Variants in DIAPH1 observed in about 807,000 individuals in gnomAD.
DIAPH1 encodes the protein protein diaphanous homolog 1.
Under a neutral mutation model 140.7 loss-of-function variants are expected in DIAPH1, and 46 were observed. The observed-to-expected ratio is 0.33, with a 90% CI of 0.26 to 0.42. The LOEUF (loss-of-function observed/expected upper bound fraction) is 0.42, where lower values mean the gene tolerates loss of function less well. DIAPH1 is among the 10% of genes least tolerant of loss of function. The pLI, the probability that DIAPH1 is intolerant of heterozygous loss-of-function variation, is 1.00. For synonymous variants in DIAPH1, 565 were observed against 551.6 expected (o/e 1.02, Z -0.34); for missense variants, 1,310 against 1,558.7 (o/e 0.84, Z 2.69).
chr5:141,590,540 T>G (rs965298264), intron 1 of DIAPH1, among the ~76,000 whole-genome samples: 1 of 152,152 alleles, frequency 6.6e-6, no homozygotes, highest in Non-Finnish European at 1.5e-5. Context: ...GATGAGTGCA[T>G]ACAATTTGGG....
intron 1 of DIAPH1, among the ~76,000 whole-genome samples, chr5:141,617,624 A>G (rs1371754438): frequency 2.0e-5 from 3 of 152,212 alleles, no homozygotes; most frequent in Non-Finnish European, 4.4e-5. Context: ...GTAAGGGCAT[A>G]AATACCTGGA....
chr5:141,577,759 C>A (rs1219408319), intron 11 of DIAPH1, among the ~76,000 whole-genome samples, 168 bp from the exon 12 acceptor site: 1 of 152,200 alleles, frequency 6.6e-6, no homozygotes, highest in Non-Finnish European at 1.5e-5. Flanking sequence ...TCTAAAACGT[C>A]CTTTAAGGGA....
chr5:141,544,107 G>C (rs918455359), intron 18 of DIAPH1, among the ~76,000 whole-genome samples: 1 of 151,924 alleles, frequency 6.6e-6, no homozygotes, highest in South Asian at 2.1e-4. Context: ...TCAGGAGATC[G>C]AGACCATCCT....
intron 18 of DIAPH1, among the ~76,000 whole-genome samples, chr5:141,545,690 C>A (rs2099890687): frequency 6.6e-6 from 1 of 152,100 alleles, no homozygotes; most frequent in Non-Finnish European, 1.5e-5. Flanking sequence ...GAGAGAAGAA[C>A]ACATTAAGCA....
At chr5:141,522,837 G>T (rs931176894) in intron 27 of DIAPH1, among the ~76,000 whole-genome samples, 2 of 152,154 alleles carry the variant, frequency 1.3e-5, no homozygotes, top group Non-Finnish European at 2.9e-5. Context: ...CCTGTACTCA[G>T]AGAATGCCAG....
At position 141,618,816 on chromosome 5, in the gene DIAPH1, G is replaced by A. The variant is rs773440011; in HGVS notation, c.99C>T (p.Gly33=). The A allele has an allele frequency of 1.6e-5, 24 of 1,546,140 alleles. No homozygotes were observed. Among genetic ancestry groups the A allele is most frequent in the Non-Finnish European group, 2.1e-5 (24 of 1,145,532 alleles). ...PDELPSAGGD[G]GKSKKFTLKR... ...CACTCACAAATTTCTTAGATTTGCC[G>A]CCGTCGCCGCCCGCCGAGGGCAGCT... is the stretch of plus-strand genomic sequence containing the variant. Residue 33 remains glycine, a synonymous_variant, in exon 1 of 28, where the codon GGC becomes GGT. Coordinates refer to ENST00000389054, the MANE Select transcript of DIAPH1 (RefSeq NM_005219.5).
chr5:141,540,877 A>T (rs182965141), intron 18 of DIAPH1, among the ~76,000 whole-genome samples: 1,727 of 151,684 alleles, frequency 0.011, 26 homozygotes, highest in African/African-American at 0.028. Context: ...CTGGGCAACA[A>T]GGTGAAACCC....
chr5:141,618,594 G>A, intron 1 of DIAPH1: 1 of 479,440 alleles, frequency 2.1e-6, no homozygotes, highest in Non-Finnish European at 3.9e-6. Context: ...GAGGTGGCCG[G>A]GGCAAGAGCC....
chr5:141,591,854 C>T (rs1420696518), intron 1 of DIAPH1, among the ~76,000 whole-genome samples: 2 of 149,702 alleles, frequency 1.3e-5, no homozygotes, highest in South Asian at 4.2e-4. Flanking sequence ...GAGGCCGAGT[C>T]GGGTGGATCA....
chr5:141,608,824 A>G (rs1351644853), intron 1 of DIAPH1, among the ~76,000 whole-genome samples: 1 of 152,234 alleles, frequency 6.6e-6, no homozygotes, highest in Admixed American at 6.5e-5. Context: ...CAGGAGCACA[A>G]ACAGAGGTCT....
chr5:141,551,884 T>G (rs1342151153), intron 18 of DIAPH1, among the ~76,000 whole-genome samples: 2 of 152,196 alleles, frequency 1.3e-5, no homozygotes, highest in Non-Finnish European at 2.9e-5. Context: ...TTTATAATAT[T>G]TGGCAATATT....
intron 1 of DIAPH1, among the ~76,000 whole-genome samples, chr5:141,601,226 TAAATAA>T (rs2099900099): frequency 7.7e-6 from 1 of 130,554 alleles, no homozygotes; most frequent in African/African-American, 2.9e-5. Flanking sequence ...TAAAGTATAA[TAAATAA>T]AAATAAAAAA....
In DIAPH1 at chr5:141,529,177, C is replaced by T. The variant is rs773243948; in HGVS notation, c.2773G>A (p.Val925Met). The T allele has an allele frequency of 1.1e-5, 17 of 1,613,986 alleles. No homozygotes were observed. Among genetic ancestry groups the T allele is most frequent in the South Asian group, 8.8e-5 (8 of 91,080 alleles). ...DDLAESEQFG[V>M]VMGTVPRLRP... Reference sequence around the variant, plus strand: ...CTGCCACAGGCCTCACTCACCACCACGCCAAACTGCTCTGACTCAGCCAGG... The same window carrying T: ...CTGCCACAGGCCTCACTCACCACCATGCCAAACTGCTCTGACTCAGCCAGG... The change falls in exon 21 of 28, where the codon GTG (valine) becomes ATG (methionine). Residue 925 changes from valine (V) to methionine (M), a missense_variant. Val to Met is a conservative substitution (Grantham distance 21). Around this residue, in one of 3 missense-constraint regions of DIAPH1, gnomAD observed 344 missense variants for 512.2 expected, o/e 0.67. Coordinates refer to ENST00000389054, the MANE Select transcript of DIAPH1 (RefSeq NM_005219.5).
At chr5:141,576,361 C>T (rs2099895966) in intron 13 of DIAPH1, 67 bp from the exon 14 acceptor site, 2 of 1,189,758 alleles carry the variant, frequency 1.7e-6, no homozygotes, top group African/African-American at 1.5e-5. Flanking sequence ...CACACTACAC[C>T]CTTCCAAAGA....
chr5:141,557,443 C>T (rs759173343), intron 18 of DIAPH1, among the ~76,000 whole-genome samples: 4 of 152,002 alleles, frequency 2.6e-5, no homozygotes, highest in Admixed American at 6.6e-5. Flanking sequence ...TGTATGTGTG[C>T]GTGCATTTTT....
chr5:141,597,474 C>A (rs914621562), intron 1 of DIAPH1, among the ~76,000 whole-genome samples: 4 of 152,226 alleles, frequency 2.6e-5, no homozygotes, highest in Non-Finnish European at 5.9e-5. Flanking sequence ...TTTAAAAAAT[C>A]TGTTCCCATA....
chr5:141,530,557 TTTGTGTG>T (rs1331936631), intron 19 of DIAPH1, among the ~76,000 whole-genome samples: 1 of 152,206 alleles, frequency 6.6e-6, no homozygotes, highest in Non-Finnish European at 1.5e-5. Flanking sequence ...AGCAATTCTC[TTTGTGTG>T]TCCCAATTCC....
intron 18 of DIAPH1, among the ~76,000 whole-genome samples, chr5:141,538,662 A>AC (rs1400710007): frequency 1.3e-5 from 2 of 150,044 alleles, no homozygotes; most frequent in Non-Finnish European, 3.0e-5. Context: ...CGAACTCCTG[A>AC]CTTCAGGTGA....
intron 18 of DIAPH1, among the ~76,000 whole-genome samples, chr5:141,542,440 A>T (rs2099890143): frequency 6.6e-6 from 1 of 152,098 alleles, no homozygotes; most frequent in Non-Finnish European, 1.5e-5. Flanking sequence ...CTTGGGAAAA[A>T]AAAAAAAAAG....
Sources: gnomAD v4.1 joint callset for allele counts (sites outside exome capture counted in the v4.1 genomes callset) on GRCh38, gnomAD v4.1.1 for gene constraint, gnomAD v4.1.1 regional missense constraint, MANE v1.5 for transcripts, NCBI Gene and HGNC (gene_info 2026-07-23, HGNC 2026-07-21) for gene names.